HEPACAM: variants seen among roughly 807,000 people sequenced by gnomAD.
HEPACAM encodes hepatocyte cell adhesion molecule.
Under a neutral mutation model 38.3 loss-of-function variants are expected in HEPACAM, and 18 were observed. The ratio of observed to expected loss-of-function variants is 0.47; its 90% CI spans 0.33 to 0.70. The LOEUF is 0.70. Ranked by LOEUF, HEPACAM falls within the 30% of genes least tolerant of loss-of-function variation. The probability of loss-of-function intolerance (pLI) is 0.03; values close to 1 mark genes in which losing one functional copy is unlikely to be tolerated. For synonymous variants in HEPACAM, 216 were observed against 243.1 expected, an observed-to-expected ratio of 0.89 and a Z score of 1.04; for missense variants, 466 against 563.0, an observed-to-expected ratio of 0.83 and a Z score of 1.74.
At chr11:124,923,459 C>T (rs771267178) in intron 3 of HEPACAM, 26 bp from the exon 4 acceptor site, 3 of 1,509,966 alleles carry the variant, frequency 2.0e-6, no homozygotes, top group Non-Finnish European at 2.8e-6. Context: ...AGCAGAGAGG[C>T]AGGAGGGACT....
Position 124,919,728 on chromosome 11 carries a change from A to G in HEPACAM, c.*1410T>C. The G allele has an allele frequency of 6.2e-7, 1 of 1,611,004 alleles. No homozygotes were observed. Among genetic ancestry groups the G allele is most frequent in the Non-Finnish European group, 8.5e-7 (1 of 1,178,500 alleles). On this transcript the variant is annotated 3_prime_UTR_variant, in exon 7 of 7. Transcript: ENST00000298251. ...TGTCAGTGCCTTTGGGGCTGAGACA[A>G]AACTTGACCTGGTGTGGAGGTGATG...
Position 124,919,569 on chromosome 11 carries a change from A to G in HEPACAM, c.*1569T>C. The G allele has an allele frequency of 1.6e-6, 1 of 634,722 alleles. No individual in the cohort carries two copies. The highest frequency in any genetic ancestry group is 2.7e-5 in the East Asian group (1 of 36,572). 39.3% of individuals were successfully genotyped at this position (634,722 alleles called of 1,614,324 possible). ...TTTCCCCTACATGCATTATCTCATT[A>G]TGGATGAGGCACCTGGGAAGTTTAG... is the stretch of plus-strand genomic sequence containing the variant. On this transcript the variant is annotated 3_prime_UTR_variant, in exon 7 of 7. Coordinates refer to ENST00000298251, the MANE Select transcript of HEPACAM (RefSeq NM_152722.5).
chr11:124,920,088 G>A lies in HEPACAM; in HGVS notation c.*1050C>T. 1.3e-6 allele frequency: 2 copies of A among 1,518,884 alleles called. No individual in the cohort carries two copies. The highest frequency in any genetic ancestry group is 1.8e-6 in the Non-Finnish European group (2 of 1,120,794). The allele number at this position is 1,518,884 out of a possible 1,614,324, so 94.1% of individuals were successfully genotyped here. Reference sequence around the variant, plus strand: ...GGAGCAGGGCAGATGGGTGGCAGGAGGCCAGGGGTTGGATCATGTTCCCCC... The same window carrying A: ...GGAGCAGGGCAGATGGGTGGCAGGAAGCCAGGGGTTGGATCATGTTCCCCC... On this transcript the variant is annotated 3_prime_UTR_variant, in exon 7 of 7. Transcript: ENST00000298251.
In HEPACAM at chr11:124,935,995, TTCTC is replaced by T; in HGVS notation, c.8_11del (p.Arg3LysfsTer22). 1 of 1,613,734 alleles carries T rather than the reference TTCTC, an allele frequency of 6.2e-7. No individual in the cohort carries two copies. The highest frequency in any genetic ancestry group is 8.5e-7 in the Non-Finnish European group (1 of 1,179,810). The stretch of plus-strand genomic sequence containing the variant: ...TGGAGGCTCTGGACAGGGCTCCCCT[TTCTC>T]TCTTCATTTTGGGTGGCGTTCTCCA... On this transcript the variant is annotated frameshift_variant, in exon 1 of 7. Coordinates refer to ENST00000298251, the MANE Select transcript of HEPACAM (RefSeq NM_152722.5). LOFTEE classifies it high-confidence loss of function.
intron 6 of HEPACAM, 67 bp downstream of exon 6, chr11:124,922,321 C>T: frequency 6.9e-7 from 1 of 1,439,192 alleles, no homozygotes; most frequent in Admixed American, 1.7e-5. Context: ...TAGTATGGCT[C>T]CCTAGCATCA....
chr11:124,919,835 T>C lies in HEPACAM; in HGVS notation c.*1303A>G. ...TAGGAGACTAGGGATGCAAGGACCC[T>C]TGGAGGCATTAAGGAGGAGGGAATG... On this transcript the variant is annotated 3_prime_UTR_variant, in exon 7 of 7. Coordinates refer to ENST00000298251, the MANE Select transcript of HEPACAM (RefSeq NM_152722.5). 1 of 1,614,148 alleles carries C rather than the reference T, an allele frequency of 6.2e-7. No individual in the cohort carries two copies. Among genetic ancestry groups the C allele is most frequent in the African/African-American group, 1.3e-5 (1 of 75,030 alleles).
In HEPACAM at chr11:124,924,628, C is replaced by G. The variant is rs1947183291; in HGVS notation, c.427+100G>C. On this transcript the variant is annotated intron_variant, in intron 2 of 6. Coordinates refer to ENST00000298251, the MANE Select transcript of HEPACAM (RefSeq NM_152722.5). This position sits in a 1 kb window ranked among gnomAD's most constrained non-coding sequence, Gnocchi z 4.4. Reference sequence around the variant, plus strand: ...TGCCTCATTCTCAGCTCCCAAGTGCCTTTTGGGTTGGTTTTCCCTCAGTCT... The same window carrying G: ...TGCCTCATTCTCAGCTCCCAAGTGCGTTTTGGGTTGGTTTTCCCTCAGTCT... 1 of 1,083,150 alleles carries G rather than the reference C, an allele frequency of 9.2e-7. No individual in the cohort carries two copies. Among genetic ancestry groups the G allele is most frequent in the Admixed American group, 1.7e-5 (1 of 59,364 alleles). The allele number at this position is 1,083,150 out of a possible 1,614,324, so 67.1% of individuals were successfully genotyped here.
Position 124,924,702 on chromosome 11 carries a change from C to T in HEPACAM, c.427+26G>A. ...TCCCTAGTCCCACCTGCCAGTCTTG[C>T]CTCTTTCCCTGCCAGAGCGCTTTAC... On this transcript the variant is annotated intron_variant, in intron 2 of 6. Coordinates refer to ENST00000298251, the MANE Select transcript of HEPACAM (RefSeq NM_152722.5). The surrounding 1 kb of genome is among the most constrained non-coding windows in gnomAD (Gnocchi z 4.4). 1.3e-6 allele frequency: 2 copies of T among 1,598,988 alleles called. 1 individual carries two copies. Among genetic ancestry groups the T allele is most frequent in the South Asian group, 2.2e-5 (2 of 90,740 alleles).
chr11:124,924,491 T>G lies in HEPACAM; in HGVS notation c.427+237A>C, dbSNP rs111621990. 5.4e-5 allele frequency: 32 copies of G among 588,466 alleles called. No individual in the cohort carries two copies. Among genetic ancestry groups the G allele is most frequent in the African/African-American group, 4.6e-4 (25 of 54,032 alleles). 36.5% of individuals were successfully genotyped at this position (588,466 alleles called of 1,614,324 possible). A position where few individuals can be genotyped will look rare whatever the true frequency, so the allele number is the denominator to read the frequency against. On this transcript the variant is annotated intron_variant, in intron 2 of 6. Coordinates refer to ENST00000298251, the MANE Select transcript of HEPACAM (RefSeq NM_152722.5). The surrounding 1 kb of genome is among the most constrained non-coding windows in gnomAD (Gnocchi z 4.4). ...GATATGAACTATCACCAGACTATTA[T>G]AAGCATTAAATGAGTCAACATATGC...
In HEPACAM at chr11:124,923,289, T is replaced by C. The variant is rs745821906; in HGVS notation, c.803+51A>G. ...AGAGACTTAAGAAAATAATGGGGCTTAGGTTTGGGATGGATTGAAGGACTC... is the reference window on the plus strand; with the variant it reads ...AGAGACTTAAGAAAATAATGGGGCTCAGGTTTGGGATGGATTGAAGGACTC... On this transcript the variant is annotated intron_variant, in intron 4 of 6. Transcript: ENST00000298251. 3.4e-6 allele frequency: 4 copies of C among 1,170,050 alleles called. No individual in the cohort carries two copies. In the East Asian group the frequency reaches 7.0e-5, roughly 20 times the overall value. The allele number at this position is 1,170,050 out of a possible 1,614,324, so 72.5% of individuals were successfully genotyped here.
Position 124,921,378 on chromosome 11 carries a change from C to A in HEPACAM, c.1011G>T (p.Pro337=), listed in dbSNP as rs1947135301. ...CGGCGGGAGACACGGAGTAGCCGGG[C>A]GGGCCGGGCTCCGTCGCGCTTCGAG... is the stretch of plus-strand genomic sequence containing the variant. ...PEPRSATEPG[P]PGYSVSPAVP... The change falls in exon 7 of 7, where the codon CCG becomes CCT. Residue 337 remains proline, a synonymous_variant. Transcript: ENST00000298251. This position sits in a 1 kb window ranked among gnomAD's most constrained non-coding sequence, Gnocchi z 4.6. 1 of 1,271,986 alleles carries A rather than the reference C, an allele frequency of 7.9e-7. No individual in the cohort carries two copies. Among genetic ancestry groups the A allele is most frequent in the East Asian group, 3.1e-5 (1 of 32,058 alleles). 78.8% of individuals were successfully genotyped at this position (1,271,986 alleles called of 1,614,324 possible).
In HEPACAM at chr11:124,924,001, G is replaced by A. The variant is rs542132168; in HGVS notation, c.437C>T (p.Ser146Leu). 32 of 1,608,772 alleles carry A rather than the reference G, an allele frequency of 2.0e-5. No individual in the cohort carries two copies. The East Asian group carries it at 2.7e-4, about 13-fold the overall frequency. ...TGAAGCCACCAACACCTGTGGCCTC[G>A]AAATGGGCACTGAGCCGCAGGAATG... is the stretch of plus-strand genomic sequence containing the variant. The part of the protein sequence containing the change: ...TINLTVDVPI[S>L]RPQVLVASTT... The change falls in exon 3 of 7, where the codon TCG becomes TTG. Residue 146 changes from serine to leucine, a missense_variant. Transcript: ENST00000298251. The surrounding 1 kb of genome is among the most constrained non-coding windows in gnomAD (Gnocchi z 4.4).
intron 1 of HEPACAM, among the ~76,000 whole-genome samples, chr11:124,928,874 C>T (rs893292712): frequency 6.6e-6 from 1 of 152,226 alleles, no homozygotes; most frequent in African/African-American, 2.4e-5. Flanking sequence ...ACCTTGGGCA[C>T]ATGTCATCAG....
In HEPACAM at chr11:124,922,546, C is replaced by T. The variant is rs561286446; in HGVS notation, c.878-88G>A. 102 of 1,598,322 alleles carry T rather than the reference C, an allele frequency of 6.4e-5. No individual in the cohort carries two copies. The East Asian group carries it at 7.8e-4, about 12-fold the overall frequency. On this transcript the variant is annotated intron_variant, in intron 5 of 6. Coordinates refer to ENST00000298251, the MANE Select transcript of HEPACAM (RefSeq NM_152722.5). ...TACTCTCTGTGCTTCCCGAATGGCC[C>T]GCCACAACCTCCACCAACATATCTG...
Position 124,923,445 on chromosome 11 carries a change from G to T in HEPACAM, c.710-12C>A. On this transcript the variant is annotated splice_polypyrimidine_tract_variant and intron_variant, in intron 3 of 6. Transcript: ENST00000298251. ...AAGGGAGCTTCTTCCTAGGGAGAGA[G>T]AGAAGCAGAGAGGCAGGAGGGACTT... 6.4e-7 allele frequency: 1 copy of T among 1,554,906 alleles called. No homozygotes were observed. The highest frequency in any genetic ancestry group is 8.9e-7 in the Non-Finnish European group (1 of 1,126,590).
At chr11:124,927,202 C>G (rs1421669061) in intron 1 of HEPACAM, among the ~76,000 whole-genome samples, 1 of 152,062 alleles carries the variant, frequency 6.6e-6, no homozygotes, top group Non-Finnish European at 1.5e-5. Flanking sequence ...GGAAAAAGTG[C>G]TTTGCTAAGT....
At position 124,921,982 on chromosome 11, in the gene HEPACAM, G is replaced by C. The variant is rs1947145743; in HGVS notation, c.948+406C>G. On this transcript the variant is annotated intron_variant, in intron 6 of 6. Transcript: ENST00000298251. This position sits in a 1 kb window ranked among gnomAD's most constrained non-coding sequence, Gnocchi z 4.6. ...TGTTAGGAAGGGAGCGGCAGAGCAG[G>C]AGGTGAGCGGTAGGCCAGAGAGCAA... Among the ~76,000 whole-genome samples, 1 of 152,256 alleles carries C rather than the reference G, an allele frequency of 6.6e-6. No homozygotes were observed. The highest frequency in any genetic ancestry group is 1.5e-5 in the Non-Finnish European group (1 of 68,044).
chr11:124,922,247 T>C (rs1947149716), intron 6 of HEPACAM, 141 bp downstream of exon 6: 2 of 896,530 alleles, frequency 2.2e-6, no homozygotes, highest in African/African-American at 3.3e-5. Context: ...AAAAATTTTC[T>C]TCCTTGAAAC....
At chr11:124,922,081 G>T (rs1947147307) in intron 6 of HEPACAM, among the ~76,000 whole-genome samples, 1 of 152,162 alleles carries the variant, frequency 6.6e-6, no homozygotes, top group African/African-American at 2.4e-5. Flanking sequence ...TCAGATTCGT[G>T]GCTGCATTCG....
Sources: gnomAD v4.1 joint callset for allele counts (sites outside exome capture counted in the v4.1 genomes callset) on GRCh38, gnomAD v4.1.1 for gene constraint, Gnocchi (gnomAD v3.1) non-coding constraint, MANE v1.5 for transcripts, NCBI Gene and HGNC (gene_info 2026-07-23, HGNC 2026-07-21) for gene names.